Variants in CTNND2 observed in about 807,000 individuals in gnomAD.
CTNND2 encodes the protein catenin delta-2.
A neutral mutation model predicts 144.4 loss-of-function variants in CTNND2; 22 were observed. The observed-to-expected ratio is 0.15, with a 90% CI of 0.11 to 0.22. The LOEUF (loss-of-function observed/expected upper bound fraction) is 0.22. CTNND2 is among the 10% of genes least tolerant of loss of function. The pLI is 1.00. For synonymous variants in CTNND2, 751 were observed against 695.6 expected (o/e 1.08, Z -1.25); for missense variants, 1,353 against 1,618.8 (o/e 0.84, Z 2.82).
chr5:11,701,431 T>C (rs1247482211), intron 2 of CTNND2, among the ~76,000 whole-genome samples: 8 of 152,204 alleles, frequency 5.3e-5, no homozygotes, highest in South Asian at 2.1e-4. Flanking sequence ...ATTTAATCAA[T>C]AGACATCTTT....
chr5:11,379,372 T>C (rs1758259597), intron 7 of CTNND2, among the ~76,000 whole-genome samples: 1 of 152,180 alleles, frequency 6.6e-6, no homozygotes, highest in Non-Finnish European at 1.5e-5. Flanking sequence ...ACAGAGATTC[T>C]GGGGTCAAAG....
chr5:11,326,102 C>T (rs914108609), intron 9 of CTNND2, among the ~76,000 whole-genome samples: 2 of 152,160 alleles, frequency 1.3e-5, no homozygotes, highest in Non-Finnish European at 2.9e-5. Context: ...GTACACCAAG[C>T]CACCCTCCCA....
chr5:10,992,416 G>C, intron 19 of CTNND2, 135 bp downstream of exon 19: 2 of 1,260,410 alleles, frequency 1.6e-6, no homozygotes, highest in East Asian at 4.7e-5. Context: ...ACAAAGAACA[G>C]ATTCATTTCC....
At chr5:11,545,860 TCCA>T (rs1775193575) in intron 3 of CTNND2, among the ~76,000 whole-genome samples, 1 of 152,118 alleles carries the variant, frequency 6.6e-6, no homozygotes, top group South Asian at 2.1e-4. Context: ...AATCCAAATG[TCCA>T]CCAACTAGTG....
At chr5:11,600,023 A>T (rs1779701709) in intron 2 of CTNND2, among the ~76,000 whole-genome samples, 1 of 152,180 alleles carries the variant, frequency 6.6e-6, no homozygotes, top group Non-Finnish European at 1.5e-5. Context: ...TCTTTATCCA[A>T]TTCTAAAGCA....
intron 2 of CTNND2, among the ~76,000 whole-genome samples, chr5:11,717,918 C>T (rs909847855): frequency 1.3e-5 from 2 of 152,134 alleles, no homozygotes; most frequent in African/African-American, 4.8e-5. Flanking sequence ...AACCATATCA[C>T]TCACCATTAA....
intron 2 of CTNND2, among the ~76,000 whole-genome samples, chr5:11,626,317 T>G (rs1305090987): frequency 6.6e-6 from 1 of 152,206 alleles, no homozygotes; most frequent in African/African-American, 2.4e-5. Context: ...GCTTACTGAT[T>G]ACCTCATTTA....
At chr5:11,111,818 G>C (rs186088220) in intron 13 of CTNND2, among the ~76,000 whole-genome samples, 15 of 152,036 alleles carry the variant, frequency 9.9e-5, no homozygotes, top group African/African-American at 3.1e-4. Context: ...TGTGTGGTAC[G>C]CAGAATAATG....
chr5:11,163,751 T>C (rs1011924860), intron 11 of CTNND2, among the ~76,000 whole-genome samples: 1 of 152,190 alleles, frequency 6.6e-6, no homozygotes, highest in Non-Finnish European at 1.5e-5. Flanking sequence ...ATAGCAAGGA[T>C]GATCCAGCTA....
At chr5:11,343,031 G>A (rs1239801135) in intron 9 of CTNND2, among the ~76,000 whole-genome samples, 1 of 152,140 alleles carries the variant, frequency 6.6e-6, no homozygotes, top group Middle Eastern at 3.2e-3. Flanking sequence ...TGATCTCAGT[G>A]ACTGCTGGCT....
At chr5:11,043,254 C>T (rs1744870716) in intron 16 of CTNND2, among the ~76,000 whole-genome samples, 1 of 152,090 alleles carries the variant, frequency 6.6e-6, no homozygotes, top group Admixed American at 6.6e-5. Context: ...CTAGTGAAAA[C>T]ACTATTCCTA....
intron 12 of CTNND2, among the ~76,000 whole-genome samples, chr5:11,132,247 G>A (rs1580377387): frequency 6.6e-6 from 1 of 152,222 alleles, no homozygotes; most frequent in East Asian, 1.9e-4. Context: ...AGAAAGGGCA[G>A]AAGCCGCTGT....
At chr5:11,168,251 G>A (rs1453376914) in intron 11 of CTNND2, among the ~76,000 whole-genome samples, 1 of 152,082 alleles carries the variant, frequency 6.6e-6, no homozygotes, top group Non-Finnish European at 1.5e-5. Flanking sequence ...CAACAGATCA[G>A]GCTCTATTAA....
chr5:11,259,781 A>G (rs1561110132), intron 9 of CTNND2, among the ~76,000 whole-genome samples: 1 of 152,218 alleles, frequency 6.6e-6, no homozygotes, highest in East Asian at 1.9e-4. Context: ...ACAGGAATAA[A>G]AGATCTGAAA....
intron 16 of CTNND2, among the ~76,000 whole-genome samples, chr5:11,026,364 T>C (rs1742835892): frequency 6.7e-6 from 1 of 148,814 alleles, no homozygotes; most frequent in African/African-American, 2.5e-5. Context: ...TTCTTTTTTT[T>C]TTTTTTTTTT....
intron 1 of CTNND2, among the ~76,000 whole-genome samples, chr5:11,750,247 T>C (rs1048568807): frequency 2.0e-5 from 3 of 151,938 alleles, no homozygotes; most frequent in Non-Finnish European, 2.9e-5. Flanking sequence ...GGAATTATAA[T>C]TGAGTACAAG....
chr5:11,421,924 A>T (rs1762395168), intron 3 of CTNND2, among the ~76,000 whole-genome samples: 1 of 152,188 alleles, frequency 6.6e-6, no homozygotes, highest in South Asian at 2.1e-4. Context: ...TATCACTAGA[A>T]TTTTTCCCAT....
chr5:11,174,470 C>G (rs1373151304), intron 11 of CTNND2, among the ~76,000 whole-genome samples: 1 of 152,106 alleles, frequency 6.6e-6, no homozygotes, highest in Admixed American at 6.5e-5. Flanking sequence ...TGGTTTGCTA[C>G]TCTTGAATGT....
intron 3 of CTNND2, among the ~76,000 whole-genome samples, chr5:11,437,567 G>C (rs1458709141): frequency 6.6e-6 from 1 of 152,192 alleles, no homozygotes; most frequent in Admixed American, 6.5e-5. Flanking sequence ...GAGTAAATAA[G>C]GGATAGGGAT....
Sources: gnomAD v4.1 joint callset for allele counts (sites outside exome capture counted in the v4.1 genomes callset) on GRCh38, gnomAD v4.1.1 for gene constraint, MANE v1.5 for transcripts, NCBI Gene and HGNC (gene_info 2026-07-23, HGNC 2026-07-21) for gene names.